RPRD1A: variants seen among roughly 807,000 people sequenced by gnomAD.
RPRD1A encodes the protein regulation of nuclear pre-mRNA domain containing 1A.
Under a neutral mutation model 37.8 loss-of-function variants are expected in RPRD1A, and 9 were observed. The ratio of observed to expected loss-of-function variants is 0.24; its 90% CI spans 0.14 to 0.42. The LOEUF (loss-of-function observed/expected upper bound fraction) is 0.42, where lower values mean the gene tolerates loss of function less well. Ranked by LOEUF, RPRD1A falls within the 10% of genes least tolerant of loss-of-function variation. RPRD1A has a pLI of 1.00. For synonymous variants in RPRD1A, 138 were observed against 139.7 expected (o/e 0.99, Z 0.08); for missense variants, 255 against 371.0 (o/e 0.69, Z 2.57).
intron 6 of RPRD1A, among the ~76,000 whole-genome samples, chr18:36,011,623 T>C (rs1454735235): frequency 6.6e-6 from 1 of 152,112 alleles, no homozygotes; most frequent in Non-Finnish European, 1.5e-5. Context: ...AAGAACCTGA[T>C]GAACATCTCC....
chr18:36,025,464 A>T, intron 6 of RPRD1A: 1 of 392,252 alleles, frequency 2.5e-6, no homozygotes, highest in Non-Finnish European at 4.5e-6. Context: ...TCTATTTTCT[A>T]CAGTTACACT....
Position 36,041,849 on chromosome 18 carries a change from A to G in RPRD1A, c.152-8012T>C, listed in dbSNP as rs1055297660. ...CAGACAGGACAAAGAGTTCAGTCAG[A>G]CACAGCTGGCTGCTTCTCCACAGCA... On this transcript the variant is annotated intron_variant, in intron 1 of 6. Coordinates refer to ENST00000399022, the MANE Select transcript of RPRD1A (RefSeq NM_018170.5). 1.3e-4 allele frequency among the ~76,000 whole-genome samples: 20 copies of G among 152,342 alleles called. No individual in the cohort carries two copies. In the South Asian group the frequency reaches 2.1e-3, roughly 16 times the overall value.
intron 1 of RPRD1A, among the ~76,000 whole-genome samples, chr18:36,049,411 A>C (rs534899006): frequency 6.6e-6 from 1 of 151,484 alleles, no homozygotes; most frequent in South Asian, 2.1e-4. Flanking sequence ...ACAATCAAAA[A>C]CCTGCATATA....
At chr18:36,001,193 G>C (rs1391597388) in intron 6 of RPRD1A, among the ~76,000 whole-genome samples, 4 of 152,124 alleles carry the variant, frequency 2.6e-5, no homozygotes, top group Non-Finnish European at 5.9e-5. Flanking sequence ...AACCAGAAAA[G>C]GTGCCCAATG....
At chr18:36,042,594 T>C (rs546402063) in intron 1 of RPRD1A, among the ~76,000 whole-genome samples, 7 of 152,230 alleles carry the variant, frequency 4.6e-5, no homozygotes, top group Non-Finnish European at 7.3e-5. Flanking sequence ...GTTTTTTAAA[T>C]GTATTGAAGT....
intron 2 of RPRD1A, among the ~76,000 whole-genome samples, chr18:36,032,735 G>A (rs978283562): frequency 1.7e-4 from 26 of 152,212 alleles, no homozygotes; most frequent in African/African-American, 5.8e-4. Flanking sequence ...ATAATTTCTT[G>A]CATAGGCACC....
chr18:36,039,083 T>C (rs753180766), intron 1 of RPRD1A, among the ~76,000 whole-genome samples: 7 of 152,232 alleles, frequency 4.6e-5, no homozygotes, highest in Middle Eastern at 6.8e-3. Context: ...GAAAGCATGA[T>C]TGGTTTTGAA....
At chr18:36,062,335 A>AC (rs1325971206) in intron 1 of RPRD1A, among the ~76,000 whole-genome samples, 2 of 150,008 alleles carry the variant, frequency 1.3e-5, no homozygotes, top group East Asian at 1.9e-4. Context: ...AAAAAAAAAA[A>AC]AAAAAAAAAA....
chr18:36,036,462 A>G (rs193213394), intron 1 of RPRD1A, among the ~76,000 whole-genome samples: 151 of 152,304 alleles, frequency 9.9e-4, no homozygotes, highest in African/African-American at 3.6e-3. Flanking sequence ...AAAAATTTAC[A>G]AGATTTAAAA....
chr18:36,026,047 T>C (rs1598626278), intron 6 of RPRD1A: 1 of 168,786 alleles, frequency 5.9e-6, no homozygotes, highest in Non-Finnish European at 1.3e-5. Context: ...TGGGTAGCAA[T>C]GGCAATCTAA....
chr18:36,025,532 A>G, intron 6 of RPRD1A: 1 of 736,732 alleles, frequency 1.4e-6, no homozygotes, highest in Admixed American at 3.4e-5. Flanking sequence ...ATAAGTGAGA[A>G]AGTATAAAGC....
chr18:36,018,981 C>T (rs1290312339), intron 6 of RPRD1A, among the ~76,000 whole-genome samples: 2 of 152,000 alleles, frequency 1.3e-5, no homozygotes, highest in African/African-American at 2.4e-5. Context: ...AAGCAAAAAG[C>T]TCTGATTTTA....
intron 1 of RPRD1A, among the ~76,000 whole-genome samples, chr18:36,046,337 T>C (rs1165278131): frequency 2.0e-5 from 3 of 152,046 alleles, no homozygotes; most frequent in South Asian, 4.2e-4. Context: ...CACTGGGCTG[T>C]ATCACAGGAG....
At chr18:36,010,077 T>C (rs903580614) in intron 6 of RPRD1A, among the ~76,000 whole-genome samples, 14 of 151,888 alleles carry the variant, frequency 9.2e-5, no homozygotes, top group African/African-American at 3.4e-4. Context: ...TAATATGGTA[T>C]GATATGTTAG....
At chr18:36,030,764 T>C (rs996750409) in intron 4 of RPRD1A, 44 bp downstream of exon 4, 2 of 1,168,846 alleles carry the variant, frequency 1.7e-6, no homozygotes, top group East Asian at 2.3e-5. Context: ...GGTGGCAACA[T>C]GAAGTAAAAG....
chr18:35,998,985 G>T (rs1909257878), intron 6 of RPRD1A, among the ~76,000 whole-genome samples: 1 of 152,076 alleles, frequency 6.6e-6, no homozygotes, highest in South Asian at 2.1e-4. Context: ...ATATATTGAG[G>T]ATCCAAATTT....
intron 6 of RPRD1A, among the ~76,000 whole-genome samples, chr18:36,001,763 C>G (rs1049000890): frequency 6.6e-6 from 1 of 152,198 alleles, no homozygotes; most frequent in Non-Finnish European, 1.5e-5. Flanking sequence ...CCAGAGCTAA[C>G]AGCTTATGTA....
chr18:36,048,307 C>A (rs1913109338), intron 1 of RPRD1A, among the ~76,000 whole-genome samples: 1 of 152,076 alleles, frequency 6.6e-6, no homozygotes, highest in Non-Finnish European at 1.5e-5. Context: ...CTCAGGTGAT[C>A]CACCCATCTC....
Position 35,993,295 on chromosome 18 carries a change from G to A in RPRD1A, c.795C>T (p.Tyr265=), listed in dbSNP as rs750373439. The A allele has an allele frequency of 3.1e-6, 5 of 1,613,932 alleles. No individual in the cohort carries two copies. Among genetic ancestry groups the A allele is most frequent in the East Asian group, 2.2e-5 (1 of 44,894 alleles). ...GGGAAACTCTGGCTAGCTTGCGCTT[G>A]TACTCCTGTAACATCAAACCACTTT... ...LAEKEHKLEE[Y]KRKLARVSLV... The change falls in exon 7 of 7, where the codon TAC becomes TAT. Residue 265 remains tyrosine (Y), a synonymous_variant. Transcript: ENST00000399022.
Sources: allele counts gnomAD v4.1 joint callset (sites outside exome capture counted in the v4.1 genomes callset), GRCh38; gene constraint gnomAD v4.1.1; transcripts MANE v1.5; gene names NCBI Gene and HGNC (gene_info 2026-07-23, HGNC 2026-07-21).